SBF2: variants seen among roughly 807,000 people sequenced by gnomAD.
SBF2 encodes the protein SET binding factor 2, also known as myotubularin-related protein 13.
In SBF2, 112 loss-of-function variants were observed where a neutral mutation model predicts 225.2. That is an observed-to-expected ratio of 0.50 (90% CI 0.43 to 0.58). The LOEUF (loss-of-function observed/expected upper bound fraction) is 0.58. Among genes scored for constraint, SBF2 ranks in the 20% least tolerant of loss-of-function variants. The probability of loss-of-function intolerance (pLI) is 0.00; values close to 1 mark genes in which losing one functional copy is unlikely to be tolerated. For missense variants in SBF2, 1,996 were observed against 2,206.2 expected, an observed-to-expected ratio of 0.90 and a Z score of 1.91; for synonymous variants, 763 against 773.3, an observed-to-expected ratio of 0.99 and a Z score of 0.22.
chr11:10,121,516 C>A (rs1347051019), intron 2 of SBF2, among the ~76,000 whole-genome samples: 1 of 152,156 alleles, frequency 6.6e-6, no homozygotes, highest in Non-Finnish European at 1.5e-5. Context: ...TGGGATAAAG[C>A]CTTAAGACTT....
chr11:10,102,627 G>T (rs1205661809), intron 2 of SBF2, among the ~76,000 whole-genome samples: 2 of 152,190 alleles, frequency 1.3e-5, no homozygotes, highest in African/African-American at 4.8e-5. Flanking sequence ...GTTGAAAAGG[G>T]TGTGTGAAGG....
chr11:10,152,170 C>G lies in SBF2; in HGVS notation c.141+41732G>C, dbSNP rs556396718. Among the ~76,000 whole-genome samples the G allele has an allele frequency of 1.1e-4, 16 of 152,266 alleles. No individual in the cohort carries two copies. The East Asian group carries it at 2.9e-3, about 28-fold the overall frequency. ...ATCTATGATTTTGAATCCAATTTAT[C>G]TTAAAACATAACTTAAAAATTTTCG... On this transcript the variant is annotated intron_variant, in intron 2 of 39. Transcript: ENST00000256190.
intron 28 of SBF2, chr11:9,828,591 G>T (rs567869479): frequency 1.0e-6 from 1 of 985,270 alleles, no homozygotes. Flanking sequence ...ACACATTAGG[G>T]TTACCTCTAC....
chr11:10,293,930 T>G lies in SBF2; in HGVS notation c.55+85A>C, dbSNP rs188768372. Reference sequence around the variant, plus strand: ...TCGGCCTGGCCCTCCCCGACGCCCGTCCCCGACGCCCGGCCCCGCGGAGCC... The same window carrying G: ...TCGGCCTGGCCCTCCCCGACGCCCGGCCCCGACGCCCGGCCCCGCGGAGCC... On this transcript the variant is annotated intron_variant, in intron 1 of 39. Transcript: ENST00000256190. The G allele has an allele frequency of 0.097, 99,932 of 1,034,216 alleles. 5,818 individuals are homozygous for G. The highest frequency in any genetic ancestry group is 0.1 in the Non-Finnish European group (81,381 of 811,960). 64.1% of individuals were successfully genotyped at this position (1,034,216 alleles called of 1,614,324 possible).
intron 17 of SBF2, among the ~76,000 whole-genome samples, chr11:9,863,500 A>T (rs1857933470): frequency 6.6e-6 from 1 of 152,224 alleles, no homozygotes; most frequent in Non-Finnish European, 1.5e-5. Context: ...CCTGGAATAT[A>T]AGTGTACCTA....
intron 2 of SBF2, among the ~76,000 whole-genome samples, chr11:10,063,761 C>A (rs1036400429): frequency 5.3e-5 from 8 of 151,394 alleles, no homozygotes; most frequent in Non-Finnish European, 8.8e-5. Flanking sequence ...ATATTCACAA[C>A]AGATTAGATG....
chr11:9,927,189 T>A (rs1332405623), intron 16 of SBF2, among the ~76,000 whole-genome samples: 1 of 152,196 alleles, frequency 6.6e-6, no homozygotes, highest in Admixed American at 6.6e-5. Flanking sequence ...AAATACCTCT[T>A]ACAAAATAAA....
At chr11:9,890,266 A>G (rs970932423) in intron 17 of SBF2, among the ~76,000 whole-genome samples, 4 of 152,098 alleles carry the variant, frequency 2.6e-5, no homozygotes, top group African/African-American at 9.7e-5. Flanking sequence ...CTAAAATTAG[A>G]CTGTGGTGAT....
intron 28 of SBF2, among the ~76,000 whole-genome samples, chr11:9,820,814 C>T (rs1301044183): frequency 3.3e-5 from 5 of 152,276 alleles, no homozygotes; most frequent in East Asian, 3.8e-4. Flanking sequence ...CAGTTCACTA[C>T]GTCAAAAGGA....
chr11:9,874,587 A>G (rs1859060223), intron 17 of SBF2, among the ~76,000 whole-genome samples: 1 of 152,204 alleles, frequency 6.6e-6, no homozygotes, highest in African/African-American at 2.4e-5. Context: ...CTGTGGGTGC[A>G]TTTAAACTGT....
chr11:10,121,580 T>C (rs1953453097), intron 2 of SBF2, among the ~76,000 whole-genome samples: 1 of 152,204 alleles, frequency 6.6e-6, no homozygotes, highest in Non-Finnish European at 1.5e-5. Context: ...ATTTTACATA[T>C]GACTAGCAGC....
chr11:10,029,804 G>C lies in SBF2; in HGVS notation c.474C>G (p.Asn158Lys), dbSNP rs745535685. The C allele has an allele frequency of 5.0e-6, 8 of 1,613,760 alleles. No individual in the cohort carries two copies. In the Admixed American group the frequency reaches 1.3e-4, roughly 27 times the overall value. The stretch of plus-strand genomic sequence containing the variant: ...CCGCTGGGACAAGGCAGGCACAAAG[G>C]TTTGCAATTAGACTTTCCAAGGAGA... Reference protein sequence around the residue: ...LNVSLESLIANLCACLVPAAG... With the variant: ...LNVSLESLIAKLCACLVPAAG... The change falls in exon 5 of 40, where the codon AAC becomes AAG. Residue 158 changes from asparagine (N) to lysine (K), a missense_variant. By Grantham distance (94) the Asn-to-Lys change is moderately conservative. Coordinates refer to ENST00000256190, the MANE Select transcript of SBF2 (RefSeq NM_030962.4).
intron 19 of SBF2, among the ~76,000 whole-genome samples, chr11:9,855,965 A>G (rs1384210782): frequency 1.3e-5 from 2 of 152,238 alleles, no homozygotes; most frequent in African/African-American, 4.8e-5. Context: ...ATAGGGGGTC[A>G]GAGCAGTAGC....
At chr11:9,871,048 G>A (rs1234363554) in intron 17 of SBF2, among the ~76,000 whole-genome samples, 1 of 150,694 alleles carries the variant, frequency 6.6e-6, no homozygotes, top group Non-Finnish European at 1.5e-5. Context: ...AAAACCCTAG[G>A]AGAAAATCTA....
intron 16 of SBF2, among the ~76,000 whole-genome samples, chr11:9,910,365 T>C (rs1251465950): frequency 6.6e-6 from 1 of 152,148 alleles, no homozygotes; most frequent in Non-Finnish European, 1.5e-5. Context: ...CACATACAAT[T>C]TGTACAGTAC....
intron 1 of SBF2, among the ~76,000 whole-genome samples, chr11:10,245,094 A>G (rs992923791): frequency 1.4e-5 from 2 of 147,166 alleles, no homozygotes; most frequent in African/African-American, 2.5e-5. Flanking sequence ...AGATCACACC[A>G]CTGTACTCCA....
At chr11:10,126,850 T>C (rs1429811611) in intron 2 of SBF2, among the ~76,000 whole-genome samples, 1 of 152,126 alleles carries the variant, frequency 6.6e-6, no homozygotes, top group Non-Finnish European at 1.5e-5. Context: ...ATATTATTCA[T>C]GTTTAAAAAG....
intron 17 of SBF2, among the ~76,000 whole-genome samples, chr11:9,865,412 G>A (rs1184593106): frequency 1.3e-5 from 2 of 151,886 alleles, no homozygotes; most frequent in East Asian, 3.9e-4. Flanking sequence ...GGAAAAAGCC[G>A]GGCGCAGTGG....
At chr11:9,996,026 A>AT (rs1321756174) in intron 9 of SBF2, among the ~76,000 whole-genome samples, 1 of 152,168 alleles carries the variant, frequency 6.6e-6, no homozygotes, top group East Asian at 1.9e-4. Flanking sequence ...CTTAGTAACT[A>AT]TAACAATACG....
Sources: allele counts gnomAD v4.1 joint callset (sites outside exome capture counted in the v4.1 genomes callset), GRCh38; gene constraint gnomAD v4.1.1; transcripts MANE v1.5; gene names NCBI Gene and HGNC (gene_info 2026-07-23, HGNC 2026-07-21).